Variants in PALLD observed in about 807,000 individuals in gnomAD.
The protein encoded by PALLD is palladin.
A neutral mutation model predicts 123.5 loss-of-function variants in PALLD; 61 were observed. The ratio of observed to expected loss-of-function variants is 0.49; its 90% CI spans 0.40 to 0.61. PALLD has a LOEUF of 0.61. Ranked by LOEUF, PALLD falls within the 20% of genes least tolerant of loss-of-function variation. PALLD has a pLI of 0.00. For missense variants in PALLD, 1,273 were observed against 1,377.0 expected, an observed-to-expected ratio of 0.92 and a Z score of 1.20; for synonymous variants, 465 against 496.4, an observed-to-expected ratio of 0.94 and a Z score of 0.84.
intron 2 of PALLD, among the ~76,000 whole-genome samples, chr4:168,543,271 A>C (rs2149515817): frequency 6.6e-6 from 1 of 152,156 alleles, no homozygotes; most frequent in South Asian, 2.1e-4. Context: ...GATAGAAAGT[A>C]ATTAGGATAA....
chr4:168,670,759 AAAAAAC>A, intron 3 of PALLD, among the ~76,000 whole-genome samples: 2 of 106,296 alleles, frequency 1.9e-5, no homozygotes, highest in African/African-American at 9.2e-5. Context: ...AAAAAAACAA[AAAAAAC>A]AAAAAAAAAC....
chr4:168,612,726 GT>G (rs963535272), intron 2 of PALLD, among the ~76,000 whole-genome samples: 14 of 152,076 alleles, frequency 9.2e-5, no homozygotes, highest in African/African-American at 3.4e-4. Context: ...TTTTTTTCCT[GT>G]TTTACTAGAA....
chr4:168,617,585 A>C (rs1032197385), intron 2 of PALLD, among the ~76,000 whole-genome samples: 1 of 152,306 alleles, frequency 6.6e-6, no homozygotes, highest in South Asian at 2.1e-4. Flanking sequence ...GAGGGGATGA[A>C]GAGCAAAGAC....
Position 168,924,964 on chromosome 4 carries a change from G to A in PALLD, c.3244G>A (p.Gly1082Ser), listed in dbSNP as rs745362518. 1.1e-5 allele frequency: 17 copies of A among 1,613,890 alleles called. No homozygotes were observed. Among genetic ancestry groups the A allele is most frequent in the African/African-American group, 6.7e-5 (5 of 74,862 alleles). The change falls in exon 20 of 22, where the codon GGC becomes AGC. Residue 1082 changes from glycine (G) to serine (S), a missense_variant. Physicochemically the swap from Gly to Ser is moderately conservative, Grantham distance 56 (BLOSUM62 0). Transcript: ENST00000505667. Reference protein sequence around the residue: ...DRVSMHQDNHGYICLLIQGAT... With the variant: ...DRVSMHQDNHSYICLLIQGAT... ...CTCCAGCATGCACCAGGACAACCAC[G>A]GCTACATCTGCCTGCTCATTCAGGG...
chr4:168,741,982 C>T (rs1187397470), intron 10 of PALLD, among the ~76,000 whole-genome samples: 2 of 152,194 alleles, frequency 1.3e-5, no homozygotes, highest in Admixed American at 6.5e-5. Flanking sequence ...TGCATTTTGA[C>T]ATGTCCCAGC....
chr4:168,770,319 G>A (rs1485206639), intron 10 of PALLD, among the ~76,000 whole-genome samples: 1 of 152,184 alleles, frequency 6.6e-6, no homozygotes. Context: ...GCAAGGTCCT[G>A]CCCTGTGCTT....
intron 8 of PALLD, among the ~76,000 whole-genome samples, chr4:168,703,129 G>C (rs1216735095): frequency 6.0e-5 from 8 of 132,668 alleles, no homozygotes; most frequent in Admixed American, 3.8e-4. Flanking sequence ...TCATTGTTCA[G>C]TTCCCACCTA....
intron 10 of PALLD, among the ~76,000 whole-genome samples, chr4:168,767,498 A>G (rs1210787111): frequency 6.6e-6 from 1 of 151,428 alleles, no homozygotes; most frequent in Non-Finnish European, 1.5e-5. Flanking sequence ...GTCAGCATTC[A>G]TGGTTTTCCT....
At chr4:168,855,177 G>A (rs1420465196) in intron 10 of PALLD, among the ~76,000 whole-genome samples, 5 of 138,048 alleles carry the variant, frequency 3.6e-5, no homozygotes, top group Admixed American at 7.9e-5. Context: ...TGCAAGCTCC[G>A]CCTCCCGGGT....
At chr4:168,508,223 C>T (rs57915101) in intron 1 of PALLD, among the ~76,000 whole-genome samples, 18,697 of 151,904 alleles carry the variant, frequency 0.12, 1,284 homozygotes, top group African/African-American at 0.13. Context: ...ATAAATTGTA[C>T]GTATTGAAAC....
At chr4:168,615,177 T>G (rs1378554945) in intron 2 of PALLD, among the ~76,000 whole-genome samples, 2 of 148,176 alleles carry the variant, frequency 1.3e-5, no homozygotes, top group Non-Finnish European at 3.0e-5. Context: ...AAAAAAAAAC[T>G]TTATAAAGCA....
At chr4:168,768,857 G>T (rs1656693403) in intron 10 of PALLD, among the ~76,000 whole-genome samples, 1 of 149,968 alleles carries the variant, frequency 6.7e-6, no homozygotes, top group Non-Finnish European at 1.5e-5. Context: ...CATTTTAGTA[G>T]AGATGGGATT....
chr4:168,685,696 A>G, intron 6 of PALLD, 137 bp downstream of exon 6: 2 of 737,434 alleles, frequency 2.7e-6, no homozygotes, highest in South Asian at 2.8e-5. Flanking sequence ...CTTTGGGACT[A>G]AATAGATATT....
rs568768082 is a variant in PALLD at position 168,878,074 on chromosome 4, C to G, written c.1965-12848C>G. 4.1e-6 allele frequency: 6 copies of G among 1,456,734 alleles called. No individual in the cohort carries two copies. Among genetic ancestry groups the G allele is most frequent in the African/African-American group, 1.5e-5 (1 of 67,922 alleles). 90.2% of individuals were successfully genotyped at this position (1,456,734 alleles called of 1,614,324 possible). A position where few individuals can be genotyped will look rare whatever the true frequency, so the allele number is the denominator to read the frequency against. Reference sequence around the variant, plus strand: ...CCATGTCCCCGACGCCGAGGCAGTTCGGCCGCGCCCCCGTGCCGCCCTTCG... The same window carrying G: ...CCATGTCCCCGACGCCGAGGCAGTTGGGCCGCGCCCCCGTGCCGCCCTTCG... On this transcript the variant is annotated intron_variant, in intron 10 of 21. Coordinates refer to ENST00000505667, the MANE Select transcript of PALLD (RefSeq NM_001166108.2).
intron 10 of PALLD, among the ~76,000 whole-genome samples, chr4:168,801,147 G>A (rs1340696527): frequency 2.0e-5 from 3 of 152,158 alleles, no homozygotes; most frequent in South Asian, 2.1e-4. Flanking sequence ...TCAGGATTGC[G>A]GTTACCCTGG....
intron 18 of PALLD, 139 bp from the exon 19 acceptor site, chr4:168,924,116 G>A: frequency 1.4e-6 from 1 of 699,382 alleles, no homozygotes; most frequent in Non-Finnish European, 2.5e-6. Flanking sequence ...ATTTGGAGAG[G>A]GGACTAGCAT....
intron 10 of PALLD, among the ~76,000 whole-genome samples, chr4:168,762,469 A>G (rs748348017): frequency 1.6e-4 from 25 of 152,128 alleles, no homozygotes; most frequent in East Asian, 3.9e-4. Context: ...GTGAGACCCT[A>G]TCCCAAAAAA....
At chr4:168,735,792 T>A (rs544304841) in intron 10 of PALLD, among the ~76,000 whole-genome samples, 2 of 152,192 alleles carry the variant, frequency 1.3e-5, no homozygotes, top group Non-Finnish European at 2.9e-5. Flanking sequence ...CTTTGATGAT[T>A]GCTGAAAGTC....
chr4:168,539,540 A>G (rs917981539), intron 2 of PALLD, among the ~76,000 whole-genome samples: 4 of 151,872 alleles, frequency 2.6e-5, no homozygotes, highest in Admixed American at 2.0e-4. Flanking sequence ...GTGAGCCGAG[A>G]TGGCGCCACT....
Sources: gnomAD v4.1 joint callset for allele counts (sites outside exome capture counted in the v4.1 genomes callset) on GRCh38, gnomAD v4.1.1 for gene constraint, MANE v1.5 for transcripts, NCBI Gene and HGNC (gene_info 2026-07-23, HGNC 2026-07-21) for gene names.